The following ARHGAP10 variants were observed in gnomAD, a reference collection of about 807,000 sequenced individuals.
ARHGAP10 encodes Rho GTPase activating protein 10.
In ARHGAP10, 87 loss-of-function variants were observed where a neutral mutation model predicts 108.6. The ratio of observed to expected loss-of-function variants is 0.80; its 90% CI spans 0.67 to 0.96. ARHGAP10 has a LOEUF of 0.96. Among genes scored for constraint, ARHGAP10 ranks in the 40% least tolerant of loss-of-function variants. ARHGAP10 has a pLI of 0.00. For synonymous variants in ARHGAP10, 347 were observed against 341.1 expected (o/e 1.02, Z -0.19); for missense variants, 939 against 954.5 (o/e 0.98, Z 0.21).
chr4:147,866,678 T>C (rs1186223229), intron 6 of ARHGAP10, 34 bp from the exon 7 acceptor site: 3 of 1,504,962 alleles, frequency 2.0e-6, no homozygotes, highest in Non-Finnish European at 2.7e-6. Context: ...CTGAGTTTTT[T>C]TGTGCTAATA....
In ARHGAP10 at chr4:147,798,722, ACACTCTCTCTCTCTCTCTCTCT is replaced by A. The variant is rs1245927568; in HGVS notation, c.155-24003_155-23982del. Reference sequence around the variant, plus strand: ...CATTACGTGAGGTCAGGAGTTTGAGACACTCTCTCTCTCTCTCTCTCTCTCTCTCTCTCTCTCTCTCTCTCTC... The same window carrying A: ...CATTACGTGAGGTCAGGAGTTTGAGACTCTCTCTCTCTCTCTCTCTCTCTC... On this transcript the variant is annotated intron_variant, in intron 1 of 22. Coordinates refer to ENST00000336498, the MANE Select transcript of ARHGAP10 (RefSeq NM_024605.4). Among the ~76,000 whole-genome samples the A allele has an allele frequency of 6.8e-4, 73 of 107,426 alleles. 1 individual carries two copies. Among genetic ancestry groups the A allele is most frequent in the African/African-American group, 3.5e-3 (66 of 18,770 alleles). The allele number at this position is 107,426 out of a possible 152,430, so 70.5% of individuals were successfully genotyped here.
rs1735000332 is a variant in ARHGAP10, at chr4:147,875,002, G to GT, written c.703-13dup. The GT allele has an allele frequency of 6.4e-7, 1 of 1,559,972 alleles. No homozygotes were observed. The highest frequency in any genetic ancestry group is 8.6e-7 in the Non-Finnish European group (1 of 1,160,258). On this transcript the variant is annotated intron_variant, in intron 7 of 22. Transcript: ENST00000336498. ...ATATGAGAACTTAACATTTATGTGTGTTTTTTAATCCATTTCAGACACGGA... is the reference window on the plus strand; with the variant it reads ...ATATGAGAACTTAACATTTATGTGTGTTTTTTTAATCCATTTCAGACACGGA...
chr4:147,766,573 T>TATATAC (rs1729823813), intron 1 of ARHGAP10, among the ~76,000 whole-genome samples: 5 of 147,670 alleles, frequency 3.4e-5, no homozygotes, highest in Admixed American at 6.7e-5. Context: ...TGGGTGTGTG[T>TATATAC]GTATATATAC....
intron 1 of ARHGAP10, among the ~76,000 whole-genome samples, chr4:147,800,550 C>G (rs571012569): frequency 1.3e-5 from 2 of 152,212 alleles, no homozygotes; most frequent in South Asian, 2.1e-4. Flanking sequence ...ATGAGCCTAC[C>G]TGAGCTGCCT....
intron 8 of ARHGAP10, among the ~76,000 whole-genome samples, chr4:147,877,621 CTTTAA>C (rs1477562796): frequency 3.3e-5 from 5 of 152,100 alleles, no homozygotes; most frequent in Non-Finnish European, 7.4e-5. Flanking sequence ...TGGGCCTAAC[CTTTAA>C]TTTGTTATGG....
intron 13 of ARHGAP10, among the ~76,000 whole-genome samples, chr4:147,936,302 G>C (rs900920842): frequency 4.0e-5 from 6 of 148,964 alleles, no homozygotes; most frequent in Non-Finnish European, 7.4e-5. Context: ...GGGCTGTGCG[G>C]CCTCCTTTTC....
intron 15 of ARHGAP10, among the ~76,000 whole-genome samples, chr4:147,947,582 T>C (rs1171715923): frequency 6.6e-6 from 1 of 151,966 alleles, no homozygotes; most frequent in Non-Finnish European, 1.5e-5. Flanking sequence ...TTTGTAATTT[T>C]AGTAGAGGTG....
intron 3 of ARHGAP10, among the ~76,000 whole-genome samples, chr4:147,841,819 A>G (rs182897226): frequency 9.3e-4 from 142 of 152,316 alleles, no homozygotes; most frequent in Non-Finnish European, 1.6e-3. Flanking sequence ...TTTTAATAAA[A>G]AAGTTTTTTA....
intron 7 of ARHGAP10, 40 bp from the exon 8 acceptor site, chr4:147,874,981 G>A: frequency 6.6e-7 from 1 of 1,508,844 alleles, no homozygotes; most frequent in South Asian, 1.4e-5. Context: ...AAACTCATAT[G>A]AGAACTTAAC....
chr4:147,794,091 G>A (rs1731224993), intron 1 of ARHGAP10, among the ~76,000 whole-genome samples: 2 of 152,332 alleles, frequency 1.3e-5, no homozygotes, highest in Middle Eastern at 3.4e-3. Context: ...TTCGGGAGCT[G>A]TAAGTGTAGG....
intron 1 of ARHGAP10, among the ~76,000 whole-genome samples, chr4:147,774,311 A>G (rs1381289940): frequency 6.6e-6 from 1 of 152,202 alleles, no homozygotes; most frequent in Non-Finnish European, 1.5e-5. Context: ...AAGATTCCCC[A>G]GGCTAGGCAA....
intron 21 of ARHGAP10, among the ~76,000 whole-genome samples, chr4:148,064,121 G>A (rs1441785365): frequency 6.6e-6 from 1 of 152,168 alleles, no homozygotes; most frequent in Admixed American, 6.5e-5. Context: ...TTCTAACAGT[G>A]CTGAATGGTA....
chr4:147,895,147 A>G (rs1735937973), intron 10 of ARHGAP10, among the ~76,000 whole-genome samples: 1 of 152,096 alleles, frequency 6.6e-6, no homozygotes, highest in Non-Finnish European at 1.5e-5. Context: ...AGTTTTCAGC[A>G]TAGAAGTCAT....
intron 1 of ARHGAP10, among the ~76,000 whole-genome samples, chr4:147,737,893 A>C (rs1039560324): frequency 1.6e-4 from 24 of 152,180 alleles, no homozygotes; most frequent in African/African-American, 5.3e-4. Flanking sequence ...ATGGTTATTT[A>C]GAACAGATTT....
chr4:147,745,124 C>T (rs369361227), intron 1 of ARHGAP10, among the ~76,000 whole-genome samples: 1 of 151,838 alleles, frequency 6.6e-6, no homozygotes, highest in Non-Finnish European at 1.5e-5. Context: ...GGCCATGCCA[C>T]AGAGAGGTCA....
In ARHGAP10 at chr4:147,879,065, C is replaced by T. The variant is rs138292857; in HGVS notation, c.833-167C>T. ...GATTACAGGCGTGAGCCACCGTGCC[C>T]GGCCTCCCCTCTTCTTCTTAGAACT... On this transcript the variant is annotated intron_variant, in intron 8 of 22. Transcript: ENST00000336498. Among the ~76,000 whole-genome samples, 949 of 152,324 alleles carry T rather than the reference C, an allele frequency of 6.2e-3. 11 individuals carry two copies. The highest frequency in any genetic ancestry group is 0.022 in the African/African-American group (913 of 41,574).
intron 18 of ARHGAP10, among the ~76,000 whole-genome samples, chr4:147,973,196 AGC>A (rs1258020626): frequency 1.3e-5 from 2 of 152,194 alleles, no homozygotes; most frequent in Admixed American, 1.3e-4. Context: ...CAGGAGGAAA[AGC>A]CAGAATAGAC....
At chr4:147,812,087 G>A (rs1732048931) in intron 1 of ARHGAP10, among the ~76,000 whole-genome samples, 1 of 152,184 alleles carries the variant, frequency 6.6e-6, no homozygotes, top group African/African-American at 2.4e-5. Context: ...ACCTCCTGAT[G>A]GGTGAGAGTT....
rs150002695 is a variant in ARHGAP10, at chr4:147,751,911, G to A, written c.154+19456G>A. ...TTTTTTTTTTTTTTTTTTTAAGATG[G>A]AGTGTTGCTCTGCCATCAGGTTGGA... On this transcript the variant is annotated intron_variant, in intron 1 of 22. Coordinates refer to ENST00000336498, the MANE Select transcript of ARHGAP10 (RefSeq NM_024605.4). 3.6e-3 allele frequency among the ~76,000 whole-genome samples: 522 copies of A among 146,170 alleles called. 3 individuals are homozygous for A. The highest frequency in any genetic ancestry group is 6.5e-3 in the Non-Finnish European group (436 of 66,872).
Sources: allele counts gnomAD v4.1 joint callset (sites outside exome capture counted in the v4.1 genomes callset), GRCh38; gene constraint gnomAD v4.1.1; transcripts MANE v1.5; gene names NCBI Gene and HGNC (gene_info 2026-07-23, HGNC 2026-07-21).